The following MGAT4C variants were observed in gnomAD, a reference collection of about 807,000 sequenced individuals.
The protein encoded by MGAT4C is MGAT4 family member C.
A neutral mutation model predicts 40.1 loss-of-function variants in MGAT4C; 19 were observed. The observed-to-expected ratio is 0.47, with a 90% CI of 0.33 to 0.70. MGAT4C has a LOEUF of 0.70. Among genes scored for constraint, MGAT4C ranks in the 30% least tolerant of loss-of-function variants. The pLI is 0.02. For synonymous variants in MGAT4C, 181 were observed against 187.1 expected (o/e 0.97, Z 0.27); for missense variants, 491 against 563.2 (o/e 0.87, Z 1.30).
In MGAT4C at chr12:86,009,512, TTTGAGTTCAC is replaced by T. The variant is rs1888240925; in HGVS notation, c.-6-19970_-6-19961del. 2.0e-5 allele frequency among the ~76,000 whole-genome samples: 3 copies of T among 152,172 alleles called. No homozygotes were observed. The South Asian group carries it at 6.2e-4, about 31-fold the overall frequency. On this transcript the variant is annotated intron_variant, in intron 2 of 4. Transcript: ENST00000611864. Reference sequence around the variant, plus strand: ...TCAACTCAGAGAAATCAGTTGTGTCTTTGAGTTCACTCTCCTTGTATTGCAACCCAGAACC... The same window carrying T: ...TCAACTCAGAGAAATCAGTTGTGTCTTCTCCTTGTATTGCAACCCAGAACC...
chr12:86,175,795 C>CAAAAA (rs61441239), intron 1 of MGAT4C, among the ~76,000 whole-genome samples: 1 of 83,668 alleles, frequency 1.2e-5, no homozygotes, highest in Non-Finnish European at 2.2e-5. Context: ...ACTAAAAATA[C>CAAAAA]AAAAAAAAAA....
chr12:86,067,410 A>T (rs932096754), intron 1 of MGAT4C, among the ~76,000 whole-genome samples: 2 of 152,174 alleles, frequency 1.3e-5, no homozygotes, highest in Non-Finnish European at 2.9e-5. Context: ...CTTTGCAGGG[A>T]CATGGATGAA....
At chr12:86,414,380 G>T (rs984792359) in intron 3 of MGAT4C, among the ~76,000 whole-genome samples, 5 of 152,122 alleles carry the variant, frequency 3.3e-5, no homozygotes, top group African/African-American at 7.2e-5. Context: ...CACGGAAATA[G>T]TGTTTACAAT....
At chr12:86,674,297 A>AT (rs1271147712) in intron 2 of MGAT4C, among the ~76,000 whole-genome samples, 2 of 152,098 alleles carry the variant, frequency 1.3e-5, no homozygotes, top group African/African-American at 2.4e-5. Flanking sequence ...TTTTTATAAC[A>AT]TTTTTTCTTC....
At chr12:86,304,882 A>C (rs924586541) in intron 4 of MGAT4C, among the ~76,000 whole-genome samples, 6 of 150,704 alleles carry the variant, frequency 4.0e-5, no homozygotes, top group Non-Finnish European at 8.8e-5. Context: ...GCTGGGAAGA[A>C]GGAAGAGTTC....
intron 1 of MGAT4C, among the ~76,000 whole-genome samples, chr12:86,742,662 G>A (rs1051621634): frequency 6.6e-6 from 1 of 151,408 alleles, no homozygotes; most frequent in Non-Finnish European, 1.5e-5. Flanking sequence ...GAGCCATTGA[G>A]TTTCTGGAGG....
intron 3 of MGAT4C, among the ~76,000 whole-genome samples, chr12:86,405,047 GA>G (rs1565737185): frequency 6.6e-6 from 1 of 151,810 alleles, no homozygotes; most frequent in Non-Finnish European, 1.5e-5. Context: ...AAAGAAACAA[GA>G]AAAAAAGTTT....
intron 1 of MGAT4C, among the ~76,000 whole-genome samples, chr12:86,766,942 C>T (rs1276107826): frequency 6.6e-6 from 1 of 152,034 alleles, no homozygotes; most frequent in Non-Finnish European, 1.5e-5. Context: ...GACACCCTAA[C>T]ATCACAATTA....
intron 1 of MGAT4C, among the ~76,000 whole-genome samples, chr12:86,099,393 G>A (rs1020660818): frequency 1.4e-5 from 2 of 143,032 alleles, no homozygotes; most frequent in African/African-American, 5.1e-5. Flanking sequence ...TTTGGGGGGG[G>A]GCAAAAGAAG....
intron 1 of MGAT4C, among the ~76,000 whole-genome samples, chr12:86,773,310 A>C (rs1484375968): frequency 1.3e-5 from 2 of 152,166 alleles, no homozygotes; most frequent in Non-Finnish European, 2.9e-5. Flanking sequence ...AGAGGATATG[A>C]AAACACAGGG....
chr12:86,359,999 A>T (rs1218189492), intron 3 of MGAT4C, among the ~76,000 whole-genome samples: 3 of 152,218 alleles, frequency 2.0e-5, no homozygotes, highest in Non-Finnish European at 4.4e-5. Context: ...CATCATCCTG[A>T]TACCAAAGCT....
chr12:86,138,154 C>T (rs1168884129), intron 1 of MGAT4C, among the ~76,000 whole-genome samples: 2 of 151,998 alleles, frequency 1.3e-5, no homozygotes, highest in Non-Finnish European at 2.9e-5. Context: ...TCCTGCTTGG[C>T]TCCTCTTCCT....
intron 1 of MGAT4C, among the ~76,000 whole-genome samples, chr12:86,736,374 T>C (rs757053601): frequency 2.6e-5 from 4 of 151,886 alleles, no homozygotes; most frequent in Non-Finnish European, 5.9e-5. Context: ...CTTTTCTTTA[T>C]GTCTCCTTCC....
chr12:85,983,015 G>C (rs1054809418), intron 4 of MGAT4C, among the ~76,000 whole-genome samples: 2 of 152,128 alleles, frequency 1.3e-5, no homozygotes, highest in African/African-American at 4.8e-5. Context: ...GTGGGGACCT[G>C]CCAGCACCTT....
chr12:86,316,390 T>A (rs1255717213), intron 4 of MGAT4C, among the ~76,000 whole-genome samples: 2 of 152,140 alleles, frequency 1.3e-5, no homozygotes, highest in Non-Finnish European at 1.5e-5. Flanking sequence ...GAAAATAAAT[T>A]GTTTTACTAA....
chr12:86,337,187 T>C (rs1209096066), intron 3 of MGAT4C, among the ~76,000 whole-genome samples: 1 of 151,962 alleles, frequency 6.6e-6, no homozygotes, highest in Non-Finnish European at 1.5e-5. Flanking sequence ...ACATATACTA[T>C]ATACTAGGTC....
At chr12:86,409,598 G>C (rs1333739631) in intron 3 of MGAT4C, among the ~76,000 whole-genome samples, 3 of 152,116 alleles carry the variant, frequency 2.0e-5, no homozygotes, top group African/African-American at 7.2e-5. Context: ...CCTGTTCAAT[G>C]TCAAAATGGA....
chr12:86,508,175 A>C (rs967850586), intron 2 of MGAT4C, among the ~76,000 whole-genome samples: 4 of 152,260 alleles, frequency 2.6e-5, no homozygotes, highest in African/African-American at 9.6e-5. Context: ...GTCATCTAGC[A>C]TTAGGTATAT....
intron 2 of MGAT4C, among the ~76,000 whole-genome samples, chr12:86,699,146 G>T (rs1273887945): frequency 6.6e-6 from 1 of 151,950 alleles, no homozygotes; most frequent in Non-Finnish European, 1.5e-5. Context: ...TTCAAATGAG[G>T]TAGATAAATA....
Sources: gnomAD v4.1 joint callset for allele counts (sites outside exome capture counted in the v4.1 genomes callset) on GRCh38, gnomAD v4.1.1 for gene constraint, MANE v1.5 for transcripts, NCBI Gene and HGNC (gene_info 2026-07-23, HGNC 2026-07-21) for gene names.